Variants in GLMN observed in about 807,000 individuals in gnomAD.
The protein encoded by GLMN is glomulin, FKBP associated protein.
In GLMN, 75 loss-of-function variants were observed where a neutral mutation model predicts 87.8. The ratio of observed to expected loss-of-function variants is 0.85; its 90% CI spans 0.71 to 1.04. The LOEUF (loss-of-function observed/expected upper bound fraction) is 1.04. Ranked by LOEUF, GLMN falls within the 50% of genes least tolerant of loss-of-function variation. GLMN has a pLI of 0.00. For missense variants in GLMN, 588 were observed against 658.8 expected (o/e 0.89, Z 1.18); for synonymous variants, 206 against 221.6 (o/e 0.93, Z 0.63).
intron 16 of GLMN, 132 bp downstream of exon 16, chr1:92,262,731 T>C (rs1655190292): frequency 1.8e-6 from 1 of 556,850 alleles, no homozygotes; most frequent in East Asian, 3.3e-5. Context: ...GGTTTCAGAA[T>C]AATTGTTGGC....
At chr1:92,345,393 AAAAAAAAAGAG>A in the GLMN span, among the ~76,000 whole-genome samples, 5 of 148,814 alleles carry the variant, frequency 3.4e-5, no homozygotes, top group Non-Finnish European at 7.5e-5. Flanking sequence ...AAAAAAAAAA[AAAAAAAAAGAG>A]AGAGAGAGAA....
chr1:92,293,353 C>T (rs189623892), intron 3 of GLMN, among the ~76,000 whole-genome samples: 9 of 152,184 alleles, frequency 5.9e-5, no homozygotes, highest in African/African-American at 1.7e-4. Context: ...TATATTGTCG[C>T]GACATGTATT....
At chr1:92,271,802 A>G in intron 7 of GLMN, 150 bp from the exon 8 acceptor site, 1 of 648,784 alleles carries the variant, frequency 1.5e-6, no homozygotes, top group Non-Finnish European at 2.8e-6. Flanking sequence ...TTCAACCAAC[A>G]GAATGCGCCA....
At chr1:92,289,173 C>G (rs776040931) in intron 5 of GLMN, 22 bp from the exon 6 acceptor site, 1 of 1,364,642 alleles carries the variant, frequency 7.3e-7, no homozygotes, top group Non-Finnish European at 1.0e-6. Flanking sequence ...ATCAAGTTGT[C>G]GCTCATCAAG....
chr1:92,299,833 C>T (rs1650676976), upstream of GLMN, among the ~76,000 whole-genome samples: 1 of 152,146 alleles, frequency 6.6e-6, no homozygotes, highest in African/African-American at 2.4e-5. Flanking sequence ...CTATCTTGTA[C>T]CTAATGTGTT....
chr1:92,268,063 C>T (rs747433665), intron 10 of GLMN, 42 bp downstream of exon 10: 9 of 1,398,964 alleles, frequency 6.4e-6, no homozygotes, highest in Middle Eastern at 1.8e-4. Flanking sequence ...TATTTGTTGA[C>T]ATAACTATGT....
At position 92,266,401 on chromosome 1, in the gene GLMN, GC is replaced by G. The variant is rs761344861; in HGVS notation, c.1214+17del. On this transcript the variant is annotated intron_variant, in intron 13 of 18. Coordinates refer to ENST00000370360, the MANE Select transcript of GLMN (RefSeq NM_053274.3). ...TAATCAACCACACACTTAGCAATTA[GC>G]CATGCTTGATACATACCTAAATAAT... 2.3e-6 allele frequency: 3 copies of G among 1,293,512 alleles called. No homozygotes were observed. The South Asian group carries it at 3.6e-5, about 15-fold the overall frequency. The allele number at this position is 1,293,512 out of a possible 1,614,324, so 80.1% of individuals were successfully genotyped here.
At chr1:92,277,610 G>A (rs1048059577) in intron 7 of GLMN, among the ~76,000 whole-genome samples, 1 of 152,032 alleles carries the variant, frequency 6.6e-6, no homozygotes, top group Non-Finnish European at 1.5e-5. Flanking sequence ...GATTACCAAC[G>A]GTCAATGATG....
At chr1:92,329,302 C>T in the GLMN span, among the ~76,000 whole-genome samples, 2 of 152,020 alleles carry the variant, frequency 1.3e-5, no homozygotes, top group Non-Finnish European at 2.9e-5. Context: ...GATTCCCAGG[C>T]CAATGGAGTT....
the GLMN span, among the ~76,000 whole-genome samples, chr1:92,350,425 AT>A: frequency 1.3e-5 from 2 of 152,168 alleles, no homozygotes; most frequent in East Asian, 3.8e-4. Flanking sequence ...AATTGCTCAG[AT>A]TTATTGCTTA....
intron 15 of GLMN, 149 bp downstream of exon 15, chr1:92,263,473 TA>T: frequency 1.5e-6 from 1 of 666,610 alleles, no homozygotes; most frequent in Non-Finnish European, 2.7e-6. Context: ...TCAAATCACT[TA>T]AATATGAAAA....
At position 92,289,060 on chromosome 1, in the gene GLMN, T is replaced by C. The variant is rs376468158; in HGVS notation, c.486A>G (p.Ser162=). ...AGTCATCCATTTGTATTTGTTCTTTTGAGTATGGAACAGGAAGAAGAGATA... is the reference window on the plus strand; with the variant it reads ...AGTCATCCATTTGTATTTGTTCTTTCGAGTATGGAACAGGAAGAAGAGATA... ...NQLSLLPVPY[S]KEQIQMDDYG... The change falls in exon 6 of 19, where the codon TCA becomes TCG. Residue 162 remains serine, a synonymous_variant. Coordinates refer to ENST00000370360, the MANE Select transcript of GLMN (RefSeq NM_053274.3). 16 of 1,611,156 alleles carry C rather than the reference T, an allele frequency of 9.9e-6. No individual in the cohort carries two copies. The highest frequency in any genetic ancestry group is 6.7e-5 in the East Asian group (3 of 44,854).
intron 7 of GLMN, among the ~76,000 whole-genome samples, chr1:92,281,737 A>C (rs1349271462): frequency 6.6e-6 from 1 of 152,114 alleles, no homozygotes; most frequent in Admixed American, 6.5e-5. Flanking sequence ...CTCACATGCA[A>C]AGATGCACAT....
chr1:92,350,735 C>T, the GLMN span, among the ~76,000 whole-genome samples: 1 of 152,132 alleles, frequency 6.6e-6, no homozygotes, highest in Non-Finnish European at 1.5e-5. Context: ...AAGTCAGGAC[C>T]AGCCTGGCCA....
upstream of GLMN, chr1:92,300,323 C>T: frequency 1.3e-5 from 11 of 831,598 alleles, no homozygotes; most frequent in South Asian, 1.9e-5. Flanking sequence ...TAATGGTTAC[C>T]TTTTTTTTTT....
the GLMN span, among the ~76,000 whole-genome samples, chr1:92,359,443 C>T: frequency 1.1e-4 from 16 of 152,244 alleles, no homozygotes; most frequent in African/African-American, 3.9e-4. Flanking sequence ...CCTCAGCCTC[C>T]GAAGTAGTTG....
chr1:92,261,737 T>G (rs1265367893), intron 16 of GLMN, among the ~76,000 whole-genome samples: 2 of 151,832 alleles, frequency 1.3e-5, no homozygotes, highest in Non-Finnish European at 2.9e-5. Flanking sequence ...ATTTAATCAA[T>G]GTAATGAAAT....
At chr1:92,301,666 A>G (rs576544063), upstream of GLMN, 14 of 546,080 alleles carry the variant, frequency 2.6e-5, no homozygotes, top group South Asian at 3.8e-5. Flanking sequence ...ACTTCTTTGC[A>G]TTATTAGAAT....
chr1:92,275,307 T>C (rs1174238753), intron 7 of GLMN, among the ~76,000 whole-genome samples: 2 of 152,188 alleles, frequency 1.3e-5, no homozygotes, highest in Non-Finnish European at 2.9e-5. Flanking sequence ...ATTGTAAGAT[T>C]CCATTCCTGC....
Sources: gnomAD v4.1 joint callset for allele counts (sites outside exome capture counted in the v4.1 genomes callset) on GRCh38, gnomAD v4.1.1 for gene constraint, MANE v1.5 for transcripts, NCBI Gene and HGNC (gene_info 2026-07-23, HGNC 2026-07-21) for gene names.